Variants in DCTN4 observed in about 807,000 individuals in gnomAD.
DCTN4 encodes dynactin 4 (p62).
DCTN4 carries 23 observed loss-of-function variants against 62.7 expected under a neutral mutation model. The observed-to-expected ratio is 0.37, with a 90% CI of 0.26 to 0.52. DCTN4 has a LOEUF of 0.52. Ranked by LOEUF, DCTN4 falls within the 20% of genes least tolerant of loss-of-function variation. DCTN4 has a pLI of 0.92. For synonymous variants in DCTN4, 199 were observed against 202.1 expected (o/e 0.98, Z 0.13); for missense variants, 514 against 580.4 (o/e 0.89, Z 1.18).
At chr5:150,722,624 G>A (rs1258214165) in intron 9 of DCTN4, among the ~76,000 whole-genome samples, 1 of 152,110 alleles carries the variant, frequency 6.6e-6, no homozygotes, top group East Asian at 1.9e-4. Context: ...TTTATAATTT[G>A]TAATGATGAC....
At chr5:150,747,328 T>C (rs1477096483) in intron 3 of DCTN4, among the ~76,000 whole-genome samples, 2 of 152,126 alleles carry the variant, frequency 1.3e-5, no homozygotes, top group Non-Finnish European at 2.9e-5. Flanking sequence ...TGCTCATGGG[T>C]AGGAAGAATC....
rs755947840 is a variant in DCTN4, at chr5:150,753,677, A to AC, written c.207-21dup. The AC allele has an allele frequency of 1.3e-6, 2 of 1,599,012 alleles. No individual in the cohort carries two copies. Among genetic ancestry groups the AC allele is most frequent in the South Asian group, 2.2e-5 (2 of 90,214 alleles). Reference sequence around the variant, plus strand: ...GCACATCTGTGACATGACAAACACAACCATTCATTCAACAAATATTTATCA... The same window carrying AC: ...GCACATCTGTGACATGACAAACACAACCCATTCATTCAACAAATATTTATCA... On this transcript the variant is annotated intron_variant, in intron 2 of 12. Coordinates refer to ENST00000447998, the MANE Select transcript of DCTN4 (RefSeq NM_016221.4).
chr5:150,734,480 C>A (rs1405275411), intron 4 of DCTN4: 1 of 152,214 alleles, frequency 6.6e-6, no homozygotes, highest in Non-Finnish European at 1.5e-5. Context: ...TGTAGGCACT[C>A]CCGGTTCCCA....
At chr5:150,727,763 G>A (rs1369441629) in intron 8 of DCTN4, among the ~76,000 whole-genome samples, 5 of 113,466 alleles carry the variant, frequency 4.4e-5, no homozygotes, top group Admixed American at 1.1e-4. Flanking sequence ...GCGACAGAGC[G>A]AGACTCCGTC....
intron 2 of DCTN4, chr5:150,755,606 G>T (rs1415291319): frequency 2.2e-6 from 1 of 456,100 alleles, no homozygotes; most frequent in Admixed American, 2.4e-5. Context: ...CTAATGAAAT[G>T]ACATTCTATA....
intron 5 of DCTN4, among the ~76,000 whole-genome samples, chr5:150,732,310 C>T (rs1367191972): frequency 6.6e-6 from 1 of 152,170 alleles, no homozygotes; most frequent in African/African-American, 2.4e-5. Context: ...CCACCATGCC[C>T]AGCTAATTTT....
chr5:150,733,424 C>G lies in DCTN4; in HGVS notation c.481G>C (p.Glu161Gln). Reference sequence around the variant, plus strand: ...CGTGCCAGTTTCTTGCGATCTCGCTCAACCTTCTCTTTCTGAGCAAGCTGC... The same window carrying G: ...CGTGCCAGTTTCTTGCGATCTCGCTGAACCTTCTCTTTCTGAGCAAGCTGC... ...YQQLAQKEKV[E>Q]RDRKKLARRR... is the part of the protein sequence containing the mutation. The change falls in exon 5 of 13, where the codon GAG (glutamate) becomes CAG (glutamine). Residue 161 changes from glutamate (E) to glutamine (Q), a missense_variant. Physicochemically the swap from Glu to Gln is conservative, Grantham distance 29 (BLOSUM62 2). Transcript: ENST00000447998. The G allele has an allele frequency of 6.2e-7, 1 of 1,614,108 alleles. No individual in the cohort carries two copies. Among genetic ancestry groups the G allele is most frequent in the Admixed American group, 1.7e-5 (1 of 60,004 alleles).
chr5:150,716,664 A>T (rs1457811717), intron 11 of DCTN4, among the ~76,000 whole-genome samples: 1 of 152,204 alleles, frequency 6.6e-6, no homozygotes, highest in Non-Finnish European at 1.5e-5. Context: ...TCAGATCTGT[A>T]ATCTCAGCAC....
chr5:150,749,680 G>T lies in DCTN4; in HGVS notation c.385+3799C>A, dbSNP rs139440001. Among the ~76,000 whole-genome samples the T allele has an allele frequency of 5.1e-4, 78 of 151,856 alleles. 1 individual carries two copies. The highest frequency in any genetic ancestry group is 1.8e-3 in the African/African-American group (75 of 41,346). On this transcript the variant is annotated intron_variant, in intron 3 of 12. Transcript: ENST00000447998. ...TAAAAAATAAAAAAAAATAAAAATA[G>T]TTTGGCAGCTTCTAGACAAATTAAA... is the stretch of plus-strand genomic sequence containing the variant.
chr5:150,714,507 G>A (rs1759686009), intron 12 of DCTN4, among the ~76,000 whole-genome samples: 1 of 151,986 alleles, frequency 6.6e-6, no homozygotes, highest in South Asian at 2.1e-4. Context: ...ATCCTGAGTA[G>A]CTGGGACTAC....
Position 150,758,924 on chromosome 5 carries a change from G to C in DCTN4, c.70C>G (p.Leu24Val). ...VQGEKKVRAP[L>V]SQLYFCRYCS... ...TAGCGGCAGAAGTAGAGTTGCGAGA[G>C]CGGGGCCCGAACCTTCTTTTCTCCC... Residue 24 changes from leucine (L) to valine (V), a missense_variant, in exon 1 of 13, where the codon CTC (leucine) becomes GTC (valine). Transcript: ENST00000447998. The C allele has an allele frequency of 6.2e-7, 1 of 1,614,156 alleles. No individual in the cohort carries two copies. Among genetic ancestry groups the C allele is most frequent in the South Asian group, 1.1e-5 (1 of 91,084 alleles).
At position 150,710,823 on chromosome 5, in the gene DCTN4, CAG is replaced by C. The variant is rs966217035; in HGVS notation, c.*324_*325del. On this transcript the variant is annotated 3_prime_UTR_variant, in exon 13 of 13. Coordinates refer to ENST00000447998, the MANE Select transcript of DCTN4 (RefSeq NM_016221.4). The stretch of plus-strand genomic sequence containing the variant: ...AGTGAGATCAGATCAAGAGACAGTA[CAG>C]AGTTTCTCAGGTGGTAAATACAATG... The C allele has an allele frequency of 5.9e-6, 2 of 339,142 alleles. No individual in the cohort carries two copies. The highest frequency in any genetic ancestry group is 2.1e-5 in the African/African-American group (1 of 47,774). The allele number at this position is 339,142 out of a possible 1,614,324, so 21.0% of individuals were successfully genotyped here. A position where few individuals can be genotyped will look rare whatever the true frequency, so the allele number is the denominator to read the frequency against.
chr5:150,711,434 A>G (rs867129918), intron 12 of DCTN4, 72 bp from the exon 13 acceptor site: 27 of 1,197,470 alleles, frequency 2.3e-5, no homozygotes, highest in Middle Eastern at 2.8e-4. Context: ...TTACAGTAAA[A>G]GTCTTTCACC....
chr5:150,740,514 T>C (rs529891841), intron 4 of DCTN4, among the ~76,000 whole-genome samples: 1 of 152,236 alleles, frequency 6.6e-6, no homozygotes, highest in African/African-American at 2.4e-5. Flanking sequence ...GAACTAAAAG[T>C]AGATCTACCG....
intron 5 of DCTN4, 97 bp downstream of exon 5, chr5:150,733,271 C>T: frequency 1.3e-6 from 1 of 768,136 alleles, no homozygotes; most frequent in Non-Finnish European, 2.1e-6. Context: ...CTCTGATATC[C>T]ACCATTCAGG....
At position 150,711,193 on chromosome 5, in the gene DCTN4, G is replaced by A. The variant is rs1347985661; in HGVS notation, c.1339C>T (p.Leu447Phe). Residue 447 changes from leucine (L) to phenylalanine (F), a missense_variant, in exon 13 of 13, where the codon CTC becomes TTC. Transcript: ENST00000447998. ...ESDQGTEVIW[L>F]TQHVELSLGP... ...AAGCTAAGTTCCACATGCTGGGTGA[G>A]CCAGATGACTTCTGTTCCCTGGTCA... is the stretch of plus-strand genomic sequence containing the variant. 2 of 1,612,494 alleles carry A rather than the reference G, an allele frequency of 1.2e-6. No individual in the cohort carries two copies. Among genetic ancestry groups the A allele is most frequent in the South Asian group, 1.1e-5 (1 of 90,990 alleles).
chr5:150,723,440 A>G (rs1250182077), intron 8 of DCTN4, among the ~76,000 whole-genome samples: 1 of 152,228 alleles, frequency 6.6e-6, no homozygotes, highest in East Asian at 1.9e-4. Context: ...CTAGGTAGTA[A>G]AATTCCAGAT....
chr5:150,727,592 C>T (rs1385575639), intron 8 of DCTN4, among the ~76,000 whole-genome samples: 5 of 151,432 alleles, frequency 3.3e-5, no homozygotes, highest in African/African-American at 9.7e-5. Flanking sequence ...CCGGCTAAAA[C>T]GGTGAAACCC....
intron 2 of DCTN4, 66 bp from the exon 3 acceptor site, chr5:150,753,723 A>G: frequency 6.7e-7 from 1 of 1,488,652 alleles, no homozygotes; most frequent in Non-Finnish European, 9.1e-7. Context: ...GAGAGAACAA[A>G]TATAAGGACA....
Sources: gnomAD v4.1 joint callset for allele counts (sites outside exome capture counted in the v4.1 genomes callset) on GRCh38, gnomAD v4.1.1 for gene constraint, MANE v1.5 for transcripts, NCBI Gene and HGNC (gene_info 2026-07-23, HGNC 2026-07-21) for gene names.